ZNF563: variants seen among roughly 807,000 people sequenced by gnomAD.
ZNF563 encodes the protein zinc finger protein 563.
In ZNF563, 39 loss-of-function variants were observed where a neutral mutation model predicts 48.5. That is an observed-to-expected ratio of 0.80 (90% CI 0.62 to 1.05). The LOEUF is 1.05. Ranked by LOEUF, ZNF563 falls within the 50% of genes least tolerant of loss-of-function variation. ZNF563 has a pLI of 0.00. For missense variants in ZNF563, 538 were observed against 597.0 expected (o/e 0.90, Z 1.03); for synonymous variants, 168 against 187.9 (o/e 0.89, Z 0.87).
upstream of ZNF563, among the ~76,000 whole-genome samples, chr19:12,337,678 T>C (rs1193951087): frequency 3.3e-5 from 5 of 152,156 alleles, no homozygotes; most frequent in African/African-American, 7.2e-5. Context: ...TCAACCTTAA[T>C]TGGATTTCCC....
chr19:12,328,331 G>C (rs1367434549), intron 1 of ZNF563, among the ~76,000 whole-genome samples: 1 of 152,188 alleles, frequency 6.6e-6, no homozygotes, highest in African/African-American at 2.4e-5. Flanking sequence ...CATTAGCCAG[G>C]AGTGGTGGCA....
intron 1 of ZNF563, among the ~76,000 whole-genome samples, chr19:12,326,458 A>G (rs1305374215): frequency 6.6e-6 from 1 of 152,138 alleles, no homozygotes; most frequent in East Asian, 1.9e-4. Context: ...AGCCTGGCCA[A>G]CATGGTGAAA....
intron 3 of ZNF563, 28 bp from the exon 4 acceptor site, chr19:12,319,861 A>C (rs772972928): frequency 3.2e-6 from 5 of 1,575,748 alleles, no homozygotes; most frequent in Non-Finnish European, 4.3e-6. Context: ...TACGTTACTA[A>C]ATAGTTGTTT....
chr19:12,347,355 T>G, the ZNF563 span: 1 of 152,226 alleles, frequency 6.6e-6, no homozygotes, highest in Admixed American at 6.5e-5. Context: ...CATGTTTTCC[T>G]CCTACTACTT....
chr19:12,337,971 A>G (rs925118168), upstream of ZNF563, among the ~76,000 whole-genome samples: 3 of 152,196 alleles, frequency 2.0e-5, no homozygotes, highest in Admixed American at 6.5e-5. Flanking sequence ...GCATGGTGGC[A>G]TAGAACTGTA....
chr19:12,336,946 A>T (rs778576383), upstream of ZNF563, among the ~76,000 whole-genome samples: 1 of 152,228 alleles, frequency 6.6e-6, no homozygotes, highest in Non-Finnish European at 1.5e-5. Flanking sequence ...TGTGGTTCTC[A>T]TGCCCACAGT....
intron 3 of ZNF563, 56 bp downstream of exon 3, chr19:12,321,216 C>T: frequency 7.9e-7 from 1 of 1,260,120 alleles, no homozygotes; most frequent in African/African-American, 1.5e-5. Context: ...TTAAAATTTC[C>T]TTTTACTCTG....
In ZNF563 at chr19:12,318,711, T is replaced by C. The variant is rs775719530; in HGVS notation, c.1314A>G (p.Arg438=). 21 of 1,614,238 alleles carry C rather than the reference T, an allele frequency of 1.3e-5. No homozygotes were observed. Among genetic ancestry groups the C allele is most frequent in the East Asian group, 2.2e-5 (1 of 44,888 alleles). ...CATCTCCCGTATGCATTACCATATGTCTTCGAAAGCTTGAGCTATGAGATA... is the reference window on the plus strand; with the variant it reads ...CATCTCCCGTATGCATTACCATATGCCTTCGAAAGCTTGAGCTATGAGATA... ...KALSHSSSFR[R]HMVMHTGDGP... The change falls in exon 4 of 4, where the codon AGA becomes AGG. Residue 438 remains arginine, a synonymous_variant. Transcript: ENST00000293725.
rs368209445 is a variant in ZNF563 at position 12,319,704 on chromosome 19, C to T, written c.321G>A (p.Glu107=). The T allele has an allele frequency of 4.2e-5, 67 of 1,614,046 alleles. No homozygotes were observed. Among genetic ancestry groups the T allele is most frequent in the Non-Finnish European group, 5.6e-5 (66 of 1,180,046 alleles). The change falls in exon 4 of 4, where the codon GAG becomes GAA. Residue 107 remains glutamate, a synonymous_variant. Coordinates refer to ENST00000293725, the MANE Select transcript of ZNF563 (RefSeq NM_145276.3). The part of the protein sequence containing the change: ...CPGEDPCQSA[E]CEEVIMGHLS... ...AATGACCCATTATGACTTCTTCACA[C>T]TCAGCGCTTTGACATGGATCTTCTC... is the stretch of plus-strand genomic sequence containing the variant.
At chr19:12,338,611 T>C (rs977041905), upstream of ZNF563, among the ~76,000 whole-genome samples, 1 of 151,842 alleles carries the variant, frequency 6.6e-6, no homozygotes, top group African/African-American at 2.4e-5. Context: ...CCCAGCACTT[T>C]GGGAGGCCGA....
At position 12,321,316 on chromosome 19, in the gene ZNF563, T is replaced by C. The variant is rs1319585325; in HGVS notation, c.147A>G (p.Glu49=). The change falls in exon 3 of 4, where the codon GAA becomes GAG. Residue 49 remains glutamate, a synonymous_variant. Coordinates refer to ENST00000293725, the MANE Select transcript of ZNF563 (RefSeq NM_145276.3). ...NLDCIRMIWE[E]QNTEDQYKNP... ...TTTTGTACTGATCTTCAGTATTCTGTTCTTCCCATATCATTCCTAAAAGGG... is the reference window on the plus strand; with the variant it reads ...TTTTGTACTGATCTTCAGTATTCTGCTCTTCCCATATCATTCCTAAAAGGG... 2 of 1,569,124 alleles carry C rather than the reference T, an allele frequency of 1.3e-6. No homozygotes were observed. Among genetic ancestry groups the C allele is most frequent in the Middle Eastern group, 1.8e-4 (1 of 5,498 alleles).
chr19:12,330,588 A>G (rs897439813), intron 1 of ZNF563, among the ~76,000 whole-genome samples: 1 of 152,198 alleles, frequency 6.6e-6, no homozygotes, highest in Non-Finnish European at 1.5e-5. Context: ...CAAATTCTGG[A>G]ACAAGAGCAT....
At chr19:12,332,179 A>G (rs1050891260) in intron 1 of ZNF563, among the ~76,000 whole-genome samples, 38 of 152,232 alleles carry the variant, frequency 2.5e-4, no homozygotes, top group African/African-American at 8.4e-4. Flanking sequence ...GGAACAGGGG[A>G]AAAGGCTGTT....
At chr19:12,343,490 A>G in the ZNF563 span, among the ~76,000 whole-genome samples, 1 of 152,168 alleles carries the variant, frequency 6.6e-6, no homozygotes, top group Non-Finnish European at 1.5e-5. Context: ...TTTAAAAGGC[A>G]CTACAAAGAA....
rs1968523808 is a variant in ZNF563 at position 12,319,086 on chromosome 19, T to C, written c.939A>G (p.Gln313=). 6.2e-7 allele frequency: 1 copy of C among 1,614,136 alleles called. No individual in the cohort carries two copies. Among genetic ancestry groups the C allele is most frequent in the South Asian group, 1.1e-5 (1 of 91,082 alleles). ...HSAEKPYECK[Q]CGKTFHHLGS... ...CAAGATGATGAAATGTTTTCCCGCA[T>C]TGCTTACACTCATAGGGTTTCTCTG... The change falls in exon 4 of 4, where the codon CAA becomes CAG. Residue 313 remains glutamine, a synonymous_variant. Coordinates refer to ENST00000293725, the MANE Select transcript of ZNF563 (RefSeq NM_145276.3).
At chr19:12,343,183 C>T in the ZNF563 span, among the ~76,000 whole-genome samples, 36 of 150,026 alleles carry the variant, frequency 2.4e-4, no homozygotes, top group South Asian at 6.3e-4. Flanking sequence ...GGTGACAGAG[C>T]GAGACTGTCT....
In ZNF563 at chr19:12,322,700, G is replaced by A. The variant is rs760236091; in HGVS notation, c.15C>T (p.Ala5=). 8 of 1,605,144 alleles carry A rather than the reference G, an allele frequency of 5.0e-6. No individual in the cohort carries two copies. Among genetic ancestry groups the A allele is most frequent in the Non-Finnish European group, 6.8e-6 (8 of 1,175,144 alleles). The change falls in exon 2 of 4, where the codon GCC becomes GCT. Residue 5 remains alanine, a synonymous_variant. Coordinates refer to ENST00000293725, the MANE Select transcript of ZNF563 (RefSeq NM_145276.3). ...TGAAGTTCACAGCCACATCCTCAAA[G>A]GCCACTGCGTCCTGAAACATCCCAC... is the stretch of plus-strand genomic sequence containing the variant. The part of the protein sequence containing the change: MDAV[A]FEDVAVNFTQ...
chr19:12,339,691 G>C, the ZNF563 span, among the ~76,000 whole-genome samples: 3 of 152,098 alleles, frequency 2.0e-5, no homozygotes, highest in African/African-American at 4.8e-5. Flanking sequence ...GCATTGAGCA[G>C]GCCAATATAT....
chr19:12,333,818 C>G (rs971085322), upstream of ZNF563: 1 of 366,516 alleles, frequency 2.7e-6, no homozygotes, highest in African/African-American at 2.1e-5. Context: ...AGTGCTGAGT[C>G]GAGCGGGATG....
Sources: gnomAD v4.1 joint callset for allele counts (sites outside exome capture counted in the v4.1 genomes callset) on GRCh38, gnomAD v4.1.1 for gene constraint, MANE v1.5 for transcripts, NCBI Gene and HGNC (gene_info 2026-07-23, HGNC 2026-07-21) for gene names.